Variants in GRAMD1C observed in about 807,000 individuals in gnomAD.
GRAMD1C encodes GRAM domain containing 1C.
GRAMD1C carries 89 observed loss-of-function variants against 97.8 expected under a neutral mutation model. That is an observed-to-expected ratio of 0.91 (90% CI 0.77 to 1.09). The LOEUF (loss-of-function observed/expected upper bound fraction) is 1.09. GRAMD1C is among the 50% of genes least tolerant of loss of function. The probability of loss-of-function intolerance (pLI) is 0.00; values close to 1 mark genes in which losing one functional copy is unlikely to be tolerated. For missense variants in GRAMD1C, 740 were observed against 766.4 expected (o/e 0.97, Z 0.41); for synonymous variants, 256 against 267.0 (o/e 0.96, Z 0.40).
chr3:113,831,586 G>A (rs763864687), intron 1 of GRAMD1C, among the ~76,000 whole-genome samples: 4 of 152,002 alleles, frequency 2.6e-5, no homozygotes, highest in African/African-American at 4.8e-5. Flanking sequence ...TGTCTTACAG[G>A]TCTTATGGGT....
chr3:113,834,399 G>A (rs899717573), upstream of GRAMD1C, among the ~76,000 whole-genome samples: 2 of 151,894 alleles, frequency 1.3e-5, no homozygotes, highest in Non-Finnish European at 2.9e-5. Context: ...GGCTGGTCTC[G>A]AACTCCTGAC....
intron 2 of GRAMD1C, among the ~76,000 whole-genome samples, chr3:113,868,892 C>G (rs550411961): frequency 6.6e-6 from 1 of 152,100 alleles, no homozygotes; most frequent in Non-Finnish European, 1.5e-5. Flanking sequence ...GGCTTCCTCT[C>G]CTTCAAGATC....
intron 17 of GRAMD1C, among the ~76,000 whole-genome samples, chr3:113,945,179 G>A (rs750272442): frequency 3.3e-5 from 5 of 152,162 alleles, no homozygotes; most frequent in Non-Finnish European, 7.3e-5. Context: ...TGTAGCAGTA[G>A]GAAGAAGTAC....
Position 113,936,249 on chromosome 3 carries a change from G to GTTTT in GRAMD1C, c.1457-9_1457-6dup. On this transcript the variant is annotated splice_polypyrimidine_tract_variant and intron_variant, in intron 13 of 17. Coordinates refer to ENST00000358160, the MANE Select transcript of GRAMD1C (RefSeq NM_017577.5). ...GAGCTTTCCTCACTATATAAAGATT[G>GTTTT]TTTTTTTTTTTCTTAGAATCAGATT... 1 of 1,175,822 alleles carries GTTTT rather than the reference G, an allele frequency of 8.5e-7. No individual in the cohort carries two copies. The highest frequency in any genetic ancestry group is 1.2e-6 in the Non-Finnish European group (1 of 844,200). 72.8% of individuals were successfully genotyped at this position (1,175,822 alleles called of 1,614,324 possible).
chr3:113,883,590 T>C (rs1047609055), intron 6 of GRAMD1C, among the ~76,000 whole-genome samples: 4 of 149,358 alleles, frequency 2.7e-5, no homozygotes, highest in African/African-American at 9.8e-5. Context: ...AGAGACAAAT[T>C]AGATTCAAAG....
At chr3:113,853,716 C>T (rs1934003686) in intron 2 of GRAMD1C, among the ~76,000 whole-genome samples, 1 of 152,166 alleles carries the variant, frequency 6.6e-6, no homozygotes, top group South Asian at 2.1e-4. Flanking sequence ...TATAACTAAA[C>T]AAACATGTAC....
rs537727900 is a variant in GRAMD1C at position 113,860,863 on chromosome 3, C to T, written c.175-8644C>T. The stretch of plus-strand genomic sequence containing the variant: ...CACCTGTAATCCCAGCTACTCGGGA[C>T]GCTGAGGCAGGAGAATCGCTTGAAC... On this transcript the variant is annotated intron_variant, in intron 2 of 17. Coordinates refer to ENST00000358160, the MANE Select transcript of GRAMD1C (RefSeq NM_017577.5). Among the ~76,000 whole-genome samples, 18 of 151,216 alleles carry T rather than the reference C, an allele frequency of 1.2e-4. No individual in the cohort carries two copies. The East Asian group carries it at 2.1e-3, about 18-fold the overall frequency.
intron 5 of GRAMD1C, among the ~76,000 whole-genome samples, chr3:113,879,335 A>G (rs1316962391): frequency 6.6e-6 from 1 of 152,026 alleles, no homozygotes; most frequent in Admixed American, 6.6e-5. Context: ...TGCTTGTGCC[A>G]GTTTGTCACT....
intron 10 of GRAMD1C, among the ~76,000 whole-genome samples, chr3:113,929,417 A>C (rs1389880225): frequency 6.6e-6 from 1 of 152,212 alleles, no homozygotes; most frequent in Non-Finnish European, 1.5e-5. Context: ...AACATTGCTG[A>C]AACTACAAGG....
At chr3:113,899,633 A>C (rs1223082661) in intron 6 of GRAMD1C, among the ~76,000 whole-genome samples, 1 of 152,228 alleles carries the variant, frequency 6.6e-6, no homozygotes, top group Non-Finnish European at 1.5e-5. Flanking sequence ...CTACTTCCTT[A>C]CACCTTGCTT....
chr3:113,930,398 A>G (rs143215699), intron 10 of GRAMD1C, among the ~76,000 whole-genome samples: 3 of 152,202 alleles, frequency 2.0e-5, no homozygotes, highest in Non-Finnish European at 4.4e-5. Flanking sequence ...ACTTCTCTTC[A>G]TAGGTACTGA....
At chr3:113,894,730 T>G (rs1280983139) in intron 6 of GRAMD1C, among the ~76,000 whole-genome samples, 1 of 152,198 alleles carries the variant, frequency 6.6e-6, no homozygotes, top group Non-Finnish European at 1.5e-5. Flanking sequence ...CTGTACTTAT[T>G]TTGAATTTTA....
intron 10 of GRAMD1C, among the ~76,000 whole-genome samples, chr3:113,926,774 C>G (rs1344285567): frequency 6.6e-6 from 1 of 152,168 alleles, no homozygotes; most frequent in Non-Finnish European, 1.5e-5. Context: ...GGGGCCCAGG[C>G]TCAGCTCAGA....
chr3:113,919,522 GACTC>G (rs902869161), intron 10 of GRAMD1C: 1 of 545,664 alleles, frequency 1.8e-6, no homozygotes, highest in African/African-American at 1.9e-5. Context: ...CTGGAGAACT[GACTC>G]AGAGAAGAAG....
chr3:113,913,145 C>G (rs1249728154), intron 9 of GRAMD1C: 1 of 1,259,426 alleles, frequency 7.9e-7, no homozygotes, highest in Admixed American at 2.3e-5. Flanking sequence ...TACTCTGGCC[C>G]CCAGTGGCCA....
intron 5 of GRAMD1C, among the ~76,000 whole-genome samples, chr3:113,881,206 A>G (rs1195196285): frequency 6.6e-6 from 1 of 152,044 alleles, no homozygotes; most frequent in Non-Finnish European, 1.5e-5. Context: ...CCAGGCTGGA[A>G]TGCAGTGGCG....
At chr3:113,895,237 C>T (rs1333569791) in intron 6 of GRAMD1C, among the ~76,000 whole-genome samples, 1 of 152,136 alleles carries the variant, frequency 6.6e-6, no homozygotes, top group Admixed American at 6.5e-5. Context: ...AATCTGACTT[C>T]CAAGGTATTC....
intron 9 of GRAMD1C, among the ~76,000 whole-genome samples, chr3:113,912,007 A>G (rs894158486): frequency 6.6e-6 from 1 of 152,156 alleles, no homozygotes; most frequent in East Asian, 1.9e-4. Context: ...GACTACAGGC[A>G]TGAGCCACCG....
intron 9 of GRAMD1C, 89 bp downstream of exon 9, chr3:113,909,209 G>A: frequency 1.7e-6 from 1 of 592,792 alleles, no homozygotes; most frequent in East Asian, 3.4e-5. Flanking sequence ...TGAGAATTTA[G>A]TTTTATTAGA....
Sources: gnomAD v4.1 joint callset for allele counts (sites outside exome capture counted in the v4.1 genomes callset) on GRCh38, gnomAD v4.1.1 for gene constraint, MANE v1.5 for transcripts, NCBI Gene and HGNC (gene_info 2026-07-23, HGNC 2026-07-21) for gene names.